XPNPEP1: variants seen among roughly 807,000 people sequenced by gnomAD.
The protein encoded by XPNPEP1 is X-prolyl aminopeptidase 1.
XPNPEP1 carries 39 observed loss-of-function variants against 92.4 expected under a neutral mutation model. The ratio of observed to expected loss-of-function variants is 0.42; its 90% CI spans 0.33 to 0.55. XPNPEP1 has a LOEUF of 0.55. XPNPEP1 is among the 20% of genes least tolerant of loss of function. The pLI, the probability that XPNPEP1 is intolerant of heterozygous loss-of-function variation, is 0.08. For missense variants in XPNPEP1, 654 were observed against 856.1 expected, an observed-to-expected ratio of 0.76 and a Z score of 2.95; for synonymous variants, 307 against 299.4, an observed-to-expected ratio of 1.03 and a Z score of -0.26.
At chr10:109,922,478 C>G (rs1254034501) in intron 1 of XPNPEP1, among the ~76,000 whole-genome samples, 2 of 152,204 alleles carry the variant, frequency 1.3e-5, no homozygotes, top group Non-Finnish European at 2.9e-5. Flanking sequence ...GTTTTCTGCT[C>G]ACCCTTAACA....
chr10:109,874,688 G>A (rs1847678879), intron 15 of XPNPEP1, among the ~76,000 whole-genome samples: 3 of 152,326 alleles, frequency 2.0e-5, no homozygotes, highest in East Asian at 1.9e-4. Context: ...AGTGGCTCAC[G>A]CCTGTAATCC....
At chr10:109,912,032 C>G (rs549658486) in intron 2 of XPNPEP1, among the ~76,000 whole-genome samples, 1 of 152,314 alleles carries the variant, frequency 6.6e-6, no homozygotes, top group East Asian at 1.9e-4. Flanking sequence ...AAAACATCCT[C>G]TGCTTCCTGG....
intron 18 of XPNPEP1, 74 bp from the exon 19 acceptor site, chr10:109,870,103 T>C: frequency 6.7e-7 from 1 of 1,501,110 alleles, no homozygotes; most frequent in South Asian, 1.2e-5. Flanking sequence ...CTTTCACTCC[T>C]TGGATGACTG....
At chr10:109,904,021 T>C (rs1274497605) in intron 3 of XPNPEP1, among the ~76,000 whole-genome samples, 1 of 151,224 alleles carries the variant, frequency 6.6e-6, no homozygotes, top group East Asian at 1.9e-4. Context: ...ATTTTTGTAT[T>C]TTTTGGCAGA....
chr10:109,871,769 A>C (rs1310723994), intron 17 of XPNPEP1, 23 bp downstream of exon 17: 1 of 1,605,788 alleles, frequency 6.2e-7, no homozygotes, highest in African/African-American at 1.4e-5. Flanking sequence ...AGAGCCTGCC[A>C]TGTGACAGAA....
At chr10:109,896,618 C>T (rs1348695786) in intron 3 of XPNPEP1, among the ~76,000 whole-genome samples, 1 of 151,928 alleles carries the variant, frequency 6.6e-6, no homozygotes, top group Non-Finnish European at 1.5e-5. Flanking sequence ...TCTTGTTCCT[C>T]AACCCCCATC....
chr10:109,916,660 A>G (rs1850208536), intron 1 of XPNPEP1, among the ~76,000 whole-genome samples: 1 of 152,168 alleles, frequency 6.6e-6, no homozygotes. Flanking sequence ...ACGAGAGTAA[A>G]CATATTATTC....
chr10:109,875,561 T>G lies in XPNPEP1; in HGVS notation c.1358A>C (p.Glu453Ala). The stretch of plus-strand genomic sequence containing the variant: ...AGCACCCGAGTCAATAAGGTACACC[T>G]CATCCAGGGACAAGGTCCTATTCGT... ...PETNRTLSLD[E>A]VYLIDSGAQY... The change falls in exon 15 of 21, where the codon GAG becomes GCG. Residue 453 changes from glutamate (E) to alanine (A), a missense_variant. Glu to Ala is a moderately radical substitution (Grantham distance 107). Transcript: ENST00000502935. The G allele has an allele frequency of 1.2e-6, 2 of 1,614,142 alleles. No individual in the cohort carries two copies. Among genetic ancestry groups the G allele is most frequent in the South Asian group, 1.1e-5 (1 of 91,088 alleles).
At chr10:109,898,923 C>T (rs1222185922) in intron 3 of XPNPEP1, among the ~76,000 whole-genome samples, 4 of 152,156 alleles carry the variant, frequency 2.6e-5, no homozygotes, top group Non-Finnish European at 2.9e-5. Context: ...TCCACATTAG[C>T]GTGACATCTT....
intron 1 of XPNPEP1, among the ~76,000 whole-genome samples, chr10:109,921,433 T>C (rs1279739697): frequency 6.6e-6 from 1 of 152,212 alleles, no homozygotes; most frequent in African/African-American, 2.4e-5. Context: ...AATCTTTGTA[T>C]AAGATGGTTA....
intron 1 of XPNPEP1, among the ~76,000 whole-genome samples, chr10:109,919,140 C>T (rs11194912): frequency 1.3e-5 from 2 of 152,176 alleles, no homozygotes; most frequent in African/African-American, 2.4e-5. Context: ...AAGAGATACA[C>T]TGGACTTCAT....
chr10:109,871,746 T>A, intron 17 of XPNPEP1, 46 bp downstream of exon 17: 1 of 1,594,742 alleles, frequency 6.3e-7, no homozygotes, highest in Non-Finnish European at 8.6e-7. Flanking sequence ...TATTTGATTC[T>A]CAAACAAGAA....
At chr10:109,880,987 C>G in intron 10 of XPNPEP1, 56 bp from the exon 11 acceptor site, 1 of 1,523,102 alleles carries the variant, frequency 6.6e-7, no homozygotes, top group East Asian at 2.3e-5. Flanking sequence ...CACCCAAGAC[C>G]AAGGCAACAA....
At position 109,882,660 on chromosome 10, in the gene XPNPEP1, G is replaced by A. The variant is rs1018212835; in HGVS notation, c.831-18C>T. ...TGAAGAGCCTGCAGATGGAGGAGAGGTGGGTGGCAGAAAAAGGAGGGAACA... is the reference window on the plus strand; with the variant it reads ...TGAAGAGCCTGCAGATGGAGGAGAGATGGGTGGCAGAAAAAGGAGGGAACA... On this transcript the variant is annotated intron_variant, in intron 9 of 20. Transcript: ENST00000502935. The A allele has an allele frequency of 1.9e-6, 3 of 1,613,232 alleles. No homozygotes were observed. Among genetic ancestry groups the A allele is most frequent in the Non-Finnish European group, 1.7e-6 (2 of 1,179,438 alleles).
chr10:109,892,029 A>T (rs1299237568), intron 4 of XPNPEP1, among the ~76,000 whole-genome samples: 1 of 152,196 alleles, frequency 6.6e-6, no homozygotes, highest in Non-Finnish European at 1.5e-5. Flanking sequence ...CTGAAAGAAC[A>T]GTCCTGAGAC....
intron 3 of XPNPEP1, among the ~76,000 whole-genome samples, chr10:109,897,913 CA>C (rs1489739562): frequency 6.6e-6 from 1 of 152,148 alleles, no homozygotes; most frequent in African/African-American, 2.4e-5. Context: ...CTCGACCTCC[CA>C]AAGTGCTGGG....
chr10:109,923,313 C>A, intron 1 of XPNPEP1, 89 bp downstream of exon 1: 2 of 1,293,808 alleles, frequency 1.5e-6, no homozygotes, highest in Admixed American at 4.0e-5. Context: ...CTCACCCGCG[C>A]GTCCCTGCCC....
intron 3 of XPNPEP1, among the ~76,000 whole-genome samples, chr10:109,905,496 C>T (rs1020603509): frequency 6.6e-6 from 1 of 152,094 alleles, no homozygotes; most frequent in African/African-American, 2.4e-5. Flanking sequence ...GCGTGAGCCA[C>T]CGTGACTGGC....
At chr10:109,920,797 C>T (rs552736284) in intron 1 of XPNPEP1, among the ~76,000 whole-genome samples, 1 of 152,154 alleles carries the variant, frequency 6.6e-6, no homozygotes, top group Admixed American at 6.5e-5. Flanking sequence ...CCTCCCACCT[C>T]AGCCTCCCAA....
Sources: gnomAD v4.1 joint callset for allele counts (sites outside exome capture counted in the v4.1 genomes callset) on GRCh38, gnomAD v4.1.1 for gene constraint, MANE v1.5 for transcripts, NCBI Gene and HGNC (gene_info 2026-07-23, HGNC 2026-07-21) for gene names.